Variants in JKAMP observed in about 807,000 individuals in gnomAD.
JKAMP encodes JNK1/MAPK8-associated membrane protein.
A neutral mutation model predicts 40.2 loss-of-function variants in JKAMP; 20 were observed. The ratio of observed to expected loss-of-function variants is 0.50; its 90% CI spans 0.35 to 0.72. JKAMP has a LOEUF of 0.72. Ranked by LOEUF, JKAMP falls within the 30% of genes least tolerant of loss-of-function variation. The pLI is 0.01. For synonymous variants in JKAMP, 138 were observed against 131.6 expected, an observed-to-expected ratio of 1.05 and a Z score of -0.33; for missense variants, 276 against 373.0, an observed-to-expected ratio of 0.74 and a Z score of 2.14.
intron 6 of JKAMP, 114 bp downstream of exon 6, chr14:59,501,381 C>T (rs1481096153): frequency 6.3e-6 from 4 of 634,342 alleles, no homozygotes; most frequent in Non-Finnish European, 1.1e-5. Context: ...TAATCTTTGG[C>T]TGATTGATGC....
chr14:59,495,251 A>C, intron 4 of JKAMP, 27 bp downstream of exon 4: 1 of 1,449,732 alleles, frequency 6.9e-7, no homozygotes, highest in Non-Finnish European at 9.4e-7. Context: ...ACTTAAGATC[A>C]TTGTTTTTTT....
intron 2 of JKAMP, 26 bp from the exon 3 acceptor site, chr14:59,487,648 C>T: frequency 6.4e-7 from 1 of 1,573,552 alleles, no homozygotes; most frequent in Non-Finnish European, 8.7e-7. Flanking sequence ...TATCTGTACA[C>T]AAAATATTGG....
intron 5 of JKAMP, among the ~76,000 whole-genome samples, chr14:59,499,259 C>A (rs1282468591): frequency 6.6e-6 from 1 of 151,738 alleles, no homozygotes; most frequent in African/African-American, 2.4e-5. Context: ...ATCTCCTGAC[C>A]TCATGATCTG....
At chr14:59,498,950 G>A (rs761404229) in intron 5 of JKAMP, 42 bp downstream of exon 5, 1 of 944,218 alleles carries the variant, frequency 1.1e-6, no homozygotes, top group South Asian at 2.1e-5. Context: ...ATTTATTATT[G>A]TATGTAGTAA....
In JKAMP at chr14:59,504,265, C is replaced by T. The variant is rs1892181226; in HGVS notation, c.*193C>T. 1.7e-6 allele frequency: 1 copy of T among 586,714 alleles called. No individual in the cohort carries two copies. Among genetic ancestry groups the T allele is most frequent in the Non-Finnish European group, 3.0e-6 (1 of 331,562 alleles). The allele number at this position is 586,714 out of a possible 1,614,324, so 36.3% of individuals were successfully genotyped here. A position where few individuals can be genotyped will look rare whatever the true frequency, so the allele number is the denominator to read the frequency against. ...GGAAAATGCAAAACTCTGTAATACT[C>T]TGTTACACAGGGTAATATTATCTGC... is the stretch of plus-strand genomic sequence containing the variant. On this transcript the variant is annotated 3_prime_UTR_variant, in exon 7 of 7. Coordinates refer to ENST00000616435, the MANE Select transcript of JKAMP (RefSeq NM_016475.5).
Position 59,487,723 on chromosome 14 carries a change from G to T in JKAMP, c.146G>T (p.Cys49Phe). 1 of 1,613,316 alleles carries T rather than the reference G, an allele frequency of 6.2e-7. No individual in the cohort carries two copies. Among genetic ancestry groups the T allele is most frequent in the East Asian group, 2.2e-5 (1 of 44,794 alleles). ...AATGCACAGAAATATTGTCAGCCTTGCACAGAATCTCCTGAACTTTATGAT... is the reference window on the plus strand; with the variant it reads ...AATGCACAGAAATATTGTCAGCCTTTCACAGAATCTCCTGAACTTTATGAT... ...RTNAQKYCQP[C>F]TESPELYDWL... is the part of the protein sequence containing the mutation. Residue 49 changes from cysteine to phenylalanine, a missense_variant, in exon 3 of 7, where the codon TGC becomes TTC. Physicochemically the swap from Cys to Phe is radical, Grantham distance 205. Transcript: ENST00000616435.
At chr14:59,500,978 CGAGACA>C in intron 5 of JKAMP, 1 of 483,414 alleles carries the variant, frequency 2.1e-6, no homozygotes, top group Admixed American at 3.9e-5. Flanking sequence ...GCTGGGTAAT[CGAGACA>C]GAGAAATGCA....
intron 3 of JKAMP, among the ~76,000 whole-genome samples, chr14:59,492,735 T>A (rs1891110933): frequency 6.6e-6 from 1 of 151,940 alleles, no homozygotes; most frequent in Non-Finnish European, 1.5e-5. Flanking sequence ...TTTTGTTAAG[T>A]CTTTGCCCAA....
In JKAMP at chr14:59,505,254, A is replaced by G. The variant is rs777663302; in HGVS notation, c.*1182A>G. 1 of 1,496,440 alleles carries G rather than the reference A, an allele frequency of 6.7e-7. No homozygotes were observed. The highest frequency in any genetic ancestry group is 1.3e-5 in the South Asian group (1 of 78,602). The allele number at this position is 1,496,440 out of a possible 1,614,324, so 92.7% of individuals were successfully genotyped here. A position where few individuals can be genotyped will look rare whatever the true frequency, so the allele number is the denominator to read the frequency against. ...TATCCTTGAGTTACTTTGTTAATGT[A>G]TTTTTCTCAGTACATTTAACCACTG... is the stretch of plus-strand genomic sequence containing the variant. On this transcript the variant is annotated 3_prime_UTR_variant, in exon 7 of 7. Transcript: ENST00000616435.
rs371261582 is a variant in JKAMP, at chr14:59,504,249, A to G, written c.*177A>G. 7.1e-5 allele frequency: 43 copies of G among 602,160 alleles called. No individual in the cohort carries two copies. Among genetic ancestry groups the G allele is most frequent in the East Asian group, 5.8e-4 (21 of 36,274 alleles). 37.3% of individuals were successfully genotyped at this position (602,160 alleles called of 1,614,324 possible). ...TTAGACTTACAGACTTGGAAAATGCAAAACTCTGTAATACTCTGTTACACA... is the reference window on the plus strand; with the variant it reads ...TTAGACTTACAGACTTGGAAAATGCGAAACTCTGTAATACTCTGTTACACA... On this transcript the variant is annotated 3_prime_UTR_variant, in exon 7 of 7. Transcript: ENST00000616435.
At chr14:59,499,868 A>G (rs748764922) in intron 5 of JKAMP, among the ~76,000 whole-genome samples, 7 of 152,110 alleles carry the variant, frequency 4.6e-5, no homozygotes, top group East Asian at 1.9e-4. Flanking sequence ...TAGCTCCTCT[A>G]TTTCCCTGTT....
intron 4 of JKAMP, 35 bp from the exon 5 acceptor site, chr14:59,498,692 T>G: frequency 8.7e-7 from 1 of 1,154,002 alleles, no homozygotes; most frequent in Non-Finnish European, 1.2e-6. Flanking sequence ...TTTAAAACAT[T>G]TTTGATGTTA....
chr14:59,505,328 A>C lies in JKAMP; in HGVS notation c.*1256A>C, dbSNP rs1892278009. 3 of 1,414,058 alleles carry C rather than the reference A, an allele frequency of 2.1e-6. No homozygotes were observed. The highest frequency in any genetic ancestry group is 9.4e-7 in the Non-Finnish European group (1 of 1,058,534). The allele number at this position is 1,414,058 out of a possible 1,614,324, so 87.6% of individuals were successfully genotyped here. ...TGTTTCTTCTTCTCTGTAGGAATAA[A>C]AAATAAATATAAAAATTTTATTTGT... On this transcript the variant is annotated 3_prime_UTR_variant, in exon 7 of 7. Transcript: ENST00000616435.
chr14:59,498,926 A>G lies in JKAMP; in HGVS notation c.640+18A>G. ...CCTTTTATGTAAGTTTGATGGGTAA[A>G]GTCAATGAAATATATTTATTATTGT... On this transcript the variant is annotated intron_variant, in intron 5 of 6. Transcript: ENST00000616435. 1 of 1,476,812 alleles carries G rather than the reference A, an allele frequency of 6.8e-7. No homozygotes were observed. The highest frequency in any genetic ancestry group is 9.2e-7 in the Non-Finnish European group (1 of 1,081,260). The allele number at this position is 1,476,812 out of a possible 1,614,324, so 91.5% of individuals were successfully genotyped here.
rs796697193 is a variant in JKAMP, at chr14:59,502,773, T to TTTTTTTTTTTG, written c.718-1081_718-1080insTTTTTTTTTTG. ...AGATTTTTTTTTTTTTTTTTTTTTT[T>TTTTTTTTTTTG]CGGAGTCTCACTCTGTCGCTTAGGC... On this transcript the variant is annotated intron_variant, in intron 6 of 6. Transcript: ENST00000616435. Among the ~76,000 whole-genome samples, 96 of 102,828 alleles carry TTTTTTTTTTTG rather than the reference T, an allele frequency of 9.3e-4. 5 individuals are homozygous for TTTTTTTTTTTG. The highest frequency in any genetic ancestry group is 1.2e-3 in the African/African-American group (32 of 25,796). 67.5% of individuals were successfully genotyped at this position (102,828 alleles called of 152,430 possible).
Position 59,498,869 on chromosome 14 carries a change from A to G in JKAMP, c.601A>G (p.Ile201Val), listed in dbSNP as rs574483002. The change falls in exon 5 of 7, where the codon ATT becomes GTT. Residue 201 changes from isoleucine (I) to valine (V), a missense_variant. Physicochemically the swap from Ile to Val is conservative, Grantham distance 29 (BLOSUM62 3). Coordinates refer to ENST00000616435, the MANE Select transcript of JKAMP (RefSeq NM_016475.5). ...TTATGCTGCACTTTACTTCTTCCCA[A>G]TTTTAACCGTGCTTCAGGCAGTTGG... is the stretch of plus-strand genomic sequence containing the variant. Reference protein sequence around the residue: ...SIYAALYFFPILTVLQAVGGG... With the variant: ...SIYAALYFFPVLTVLQAVGGG... 5 of 1,611,562 alleles carry G rather than the reference A, an allele frequency of 3.1e-6. No individual in the cohort carries two copies. The highest frequency in any genetic ancestry group is 1.3e-5 in the African/African-American group (1 of 74,966).
Position 59,505,277 on chromosome 14 carries a change from C to T in JKAMP, c.*1205C>T. ...GTATTTTTCTCAGTACATTTAACCA[C>T]TGGGAAATGAACCCTTGTACGAATG... is the stretch of plus-strand genomic sequence containing the variant. On this transcript the variant is annotated 3_prime_UTR_variant, in exon 7 of 7. Coordinates refer to ENST00000616435, the MANE Select transcript of JKAMP (RefSeq NM_016475.5). 1 of 1,510,522 alleles carries T rather than the reference C, an allele frequency of 6.6e-7. No individual in the cohort carries two copies. Among genetic ancestry groups the T allele is most frequent in the East Asian group, 2.5e-5 (1 of 40,562 alleles). 93.6% of individuals were successfully genotyped at this position (1,510,522 alleles called of 1,614,324 possible).
rs192677529 is a variant in JKAMP at position 59,500,677 on chromosome 14, G to C, written c.641-514G>C. ...GACCACAAAACACAGAAAATTATTT[G>C]ACCATTTTTTTGAATTCTCCTAAAT... On this transcript the variant is annotated intron_variant, in intron 5 of 6. Coordinates refer to ENST00000616435, the MANE Select transcript of JKAMP (RefSeq NM_016475.5). Among the ~76,000 whole-genome samples, 3 of 152,174 alleles carry C rather than the reference G, an allele frequency of 2.0e-5. No individual in the cohort carries two copies. In the East Asian group the frequency reaches 5.8e-4, roughly 29 times the overall value.
chr14:59,487,912 T>G (rs1205482840), intron 3 of JKAMP, 84 bp downstream of exon 3: 11 of 1,247,200 alleles, frequency 8.8e-6, no homozygotes, highest in Non-Finnish European at 2.3e-6. Context: ...TAATTATGCT[T>G]CTTCTGTTTT....
Sources: allele counts gnomAD v4.1 joint callset (sites outside exome capture counted in the v4.1 genomes callset), GRCh38; gene constraint gnomAD v4.1.1; transcripts MANE v1.5; gene names NCBI Gene and HGNC (gene_info 2026-07-23, HGNC 2026-07-21).